The following ANKRD16 variants were observed in gnomAD, a reference collection of about 807,000 sequenced individuals.
ANKRD16 encodes ankyrin repeat domain 16.
ANKRD16 carries 35 observed loss-of-function variants against 37.9 expected under a neutral mutation model. That is an observed-to-expected ratio of 0.92 (90% confidence interval 0.71 to 1.23). The LOEUF is 1.23. ANKRD16 is among the 50% of genes most tolerant of loss of function. The pLI, the probability that ANKRD16 is intolerant of heterozygous loss-of-function variation, is 0.00. For synonymous variants in ANKRD16, 206 were observed against 197.2 expected (o/e 1.04, Z -0.37); for missense variants, 480 against 469.9 (o/e 1.02, Z -0.20).
In ANKRD16 at chr10:5,868,162, T is replaced by C. The variant is rs1842042190; in HGVS notation, c.*34-5471A>G. 6.6e-6 allele frequency among the ~76,000 whole-genome samples: 1 copy of C among 152,140 alleles called. No individual in the cohort carries two copies. The highest frequency in any genetic ancestry group is 6.5e-5 in the Admixed American group (1 of 15,274). On this transcript the variant is annotated intron_variant, in intron 7 of 7. Transcript: ENST00000380094. This position sits in a 1 kb window ranked among gnomAD's most constrained non-coding sequence, Gnocchi z 4.9. ...TTTTTAACCTCTTTGTCAAATTTGT[T>C]TCCTCTAGGATCGAGGCCATCAAGC...
chr10:5,884,795 C>CCACCCCTT (rs1344141099), intron 3 of ANKRD16, among the ~76,000 whole-genome samples: 2 of 150,752 alleles, frequency 1.3e-5, no homozygotes, highest in Non-Finnish European at 2.9e-5. Flanking sequence ...ATTCATTCTC[C>CCACCCCTT]CACCCCTTCA....
In ANKRD16 at chr10:5,871,770, C is replaced by T. The variant is rs1842093819; in HGVS notation, c.*33+6327G>A. 6.6e-6 allele frequency among the ~76,000 whole-genome samples: 1 copy of T among 152,226 alleles called. No individual in the cohort carries two copies. Among genetic ancestry groups the T allele is most frequent in the South Asian group, 2.1e-4 (1 of 4,826 alleles). ...TCACTCCCTCACCGCTGGCTTCCTC[C>T]CTCTGTGGGCTCCTTTCCCAGTCTG... On this transcript the variant is annotated intron_variant, in intron 7 of 7. Coordinates refer to ENST00000380094, the MANE Select transcript of ANKRD16 (RefSeq NM_019046.3). The surrounding 1 kb of genome is among the most constrained non-coding windows in gnomAD (Gnocchi z 4.5).
At position 5,869,203 on chromosome 10, in the gene ANKRD16, G is replaced by A. The variant is rs564858183; in HGVS notation, c.*34-6512C>T. Among the ~76,000 whole-genome samples, 2 of 152,242 alleles carry A rather than the reference G, an allele frequency of 1.3e-5. No homozygotes were observed. Among genetic ancestry groups the A allele is most frequent in the African/African-American group, 4.8e-5 (2 of 41,528 alleles). ...GATTAGATACCCTGCTTTTGGAGGC[G>A]AGGGATGTGTTTATTGCCTTGGCCG... is the stretch of plus-strand genomic sequence containing the variant. On this transcript the variant is annotated intron_variant, in intron 7 of 7. Transcript: ENST00000380094. This position sits in a 1 kb window ranked among gnomAD's most constrained non-coding sequence, Gnocchi z 4.0.
At chr10:5,886,175 T>G (rs1485895564) in intron 2 of ANKRD16, among the ~76,000 whole-genome samples, 1 of 152,248 alleles carries the variant, frequency 6.6e-6, no homozygotes, top group Non-Finnish European at 1.5e-5. Context: ...TTATGACTAT[T>G]TGTCTTCCAC....
chr10:5,885,025 G>T (rs1842394212), intron 3 of ANKRD16, among the ~76,000 whole-genome samples: 1 of 152,132 alleles, frequency 6.6e-6, no homozygotes, highest in Non-Finnish European at 1.5e-5. Flanking sequence ...TATTTGTTCT[G>T]TAGGGATCCT....
At chr10:5,881,441 TATATATATATATATATATA>T (rs1842308920) in intron 5 of ANKRD16, among the ~76,000 whole-genome samples, 1 of 21,294 alleles carries the variant, frequency 4.7e-5, no homozygotes, top group African/African-American at 1.7e-4. Context: ...ATATTATTTA[TATATATATATATATATATA>T]TATATATATA....
intron 6 of ANKRD16, 75 bp downstream of exon 6, chr10:5,880,223 T>G: frequency 2.2e-6 from 1 of 452,050 alleles, no homozygotes. Context: ...ATTAAAATCA[T>G]TGTTTTAAAT....
rs1236767109 is a variant in ANKRD16 at position 5,864,046 on chromosome 10, C to T, written c.*34-1355G>A. ...ACAGCCTGGCCCCAATATTCTCTCT[C>T]TGATGGGGAAAAATGGCCACCTGAG... is the stretch of plus-strand genomic sequence containing the variant. On this transcript the variant is annotated intron_variant, in intron 7 of 7. Transcript: ENST00000380094. This position sits in a 1 kb window ranked among gnomAD's most constrained non-coding sequence, Gnocchi z 4.4. 6.6e-6 allele frequency among the ~76,000 whole-genome samples: 1 copy of T among 152,080 alleles called. No homozygotes were observed. Among genetic ancestry groups the T allele is most frequent in the African/African-American group, 2.4e-5 (1 of 41,364 alleles).
chr10:5,884,401 C>T (rs1484377624), intron 3 of ANKRD16, among the ~76,000 whole-genome samples: 1 of 152,120 alleles, frequency 6.6e-6, no homozygotes, highest in Admixed American at 6.5e-5. Flanking sequence ...AATTGATTAC[C>T]CCCATCCTTC....
chr10:5,877,263 C>T (rs1484492859), intron 7 of ANKRD16, among the ~76,000 whole-genome samples: 4 of 152,190 alleles, frequency 2.6e-5, no homozygotes, highest in African/African-American at 7.2e-5. Flanking sequence ...CAGGCATGCA[C>T]CAGCACAGCT....
At chr10:5,886,464 G>A (rs980209670) in intron 2 of ANKRD16, among the ~76,000 whole-genome samples, 2 of 152,184 alleles carry the variant, frequency 1.3e-5, no homozygotes, top group African/African-American at 2.4e-5. Flanking sequence ...GGTGGCATGC[G>A]CCAGTAATCC....
chr10:5,877,948 G>T, intron 7 of ANKRD16, 149 bp downstream of exon 7: 1 of 769,118 alleles, frequency 1.3e-6, no homozygotes, highest in Non-Finnish European at 2.1e-6. Context: ...TCATGGAGCT[G>T]GGAACTCAGC....
At position 5,878,279 on chromosome 10, in the gene ANKRD16, G is replaced by A. The variant is rs1176588240; in HGVS notation, c.937C>T (p.Leu313=). Residue 313 remains leucine (L), a synonymous_variant, in exon 7 of 8, where the codon CTG becomes TTG. Coordinates refer to ENST00000380094, the MANE Select transcript of ANKRD16 (RefSeq NM_019046.3). This position sits in a 1 kb window ranked among gnomAD's most constrained non-coding sequence, Gnocchi z 5.1. The stretch of plus-strand genomic sequence containing the variant: ...GCCAAGTGCTGACCTGCACAGGCCA[G>A]ATGCAGGGCTGAGGGGTGACAAAAA... ...KDEKNRSALH[L]ACAGQHLACA... 1.9e-6 allele frequency: 3 copies of A among 1,613,426 alleles called. No homozygotes were observed. The African/African-American group carries it at 4.0e-5, about 22-fold the overall frequency.
At position 5,866,863 on chromosome 10, in the gene ANKRD16, CAA is replaced by C. The variant is rs1299978989; in HGVS notation, c.*34-4174_*34-4173del. On this transcript the variant is annotated intron_variant, in intron 7 of 7. Coordinates refer to ENST00000380094, the MANE Select transcript of ANKRD16 (RefSeq NM_019046.3). The surrounding 1 kb of genome is among the most constrained non-coding windows in gnomAD (Gnocchi z 4.3). The stretch of plus-strand genomic sequence containing the variant: ...AGGAAGAGACAGAGAGGCTGAAAGT[CAA>C]AGAGAGAAGGAGAGAGAGGAAGAGA... Among the ~76,000 whole-genome samples, 9 of 149,964 alleles carry C rather than the reference CAA, an allele frequency of 6.0e-5. No individual in the cohort carries two copies. Among genetic ancestry groups the C allele is most frequent in the African/African-American group, 2.2e-4 (9 of 40,638 alleles).
chr10:5,884,071 T>A lies in ANKRD16; in HGVS notation c.585A>T (p.Gln195His), dbSNP rs3750656. 1 of 1,613,490 alleles carries A rather than the reference T, an allele frequency of 6.2e-7. No individual in the cohort carries two copies. Among genetic ancestry groups the A allele is most frequent in the African/African-American group, 1.3e-5 (1 of 75,060 alleles). ...AGTTGTCTCTGTAGTCTGGTTCATA[T>A]TGGCACCTAGAGCCAAAACCCCAAG... The part of the protein sequence containing the change: ...EAVKVLLKRC[Q>H]YEPDYRDNCG... Residue 195 changes from glutamine to histidine, a missense_variant, in exon 4 of 8, where the codon CAA (glutamine) becomes CAT (histidine). Transcript: ENST00000380094.
Position 5,883,081 on chromosome 10 carries a change from C to A in ANKRD16, c.774G>T (p.Leu258Phe). ...VTGQDEAIRF[L>F]VSELGVDVDV... ...CTACATCGACGCCAAGTTCAGAGAC[C>A]AAGAATCGGATGGCTTCGTCCTGCC... Residue 258 changes from leucine (L) to phenylalanine (F), a missense_variant, in exon 5 of 8, where the codon TTG becomes TTT. Transcript: ENST00000380094. 1 of 1,614,128 alleles carries A rather than the reference C, an allele frequency of 6.2e-7. No individual in the cohort carries two copies. Among genetic ancestry groups the A allele is most frequent in the South Asian group, 1.1e-5 (1 of 91,080 alleles).
chr10:5,876,174 G>A (rs56103646), intron 7 of ANKRD16, among the ~76,000 whole-genome samples: 6,602 of 152,220 alleles, frequency 0.043, 193 homozygotes, highest in East Asian at 0.13. Context: ...ATGAGCCACC[G>A]CGCCCAGCCC....
Position 5,889,215 on chromosome 10 carries a change from TGGCGCGC to T in ANKRD16, c.133_139del (p.Ala45ThrfsTer54). 1 of 1,594,222 alleles carries T rather than the reference TGGCGCGC, an allele frequency of 6.3e-7. No individual in the cohort carries two copies. The highest frequency in any genetic ancestry group is 2.2e-5 in the East Asian group (1 of 44,618). ...ATAGGCCAGCACGTCCCGATGCCCG[TGGCGCGC>T]GGCGCAGTGCAGGAGGGTATCCCCG... On this transcript the variant is annotated frameshift_variant, in exon 1 of 8. Transcript: ENST00000380094. LOFTEE classifies it high-confidence loss of function.
Position 5,878,191 on chromosome 10 carries a change from G to A in ANKRD16, c.1025C>T (p.Ala342Val). The A allele has an allele frequency of 6.2e-7, 1 of 1,614,198 alleles. No homozygotes were observed. ...ATCTGCTCTCCTTGGGAGCTGCTGA[G>A]CCAGGGTGCCCGTGATGTCTTCAGA... ...KDSEDITGTL[A>V]QQLPRRADVL... The change falls in exon 7 of 8, where the codon GCT becomes GTT. Residue 342 changes from alanine to valine, a missense_variant. Transcript: ENST00000380094. This position sits in a 1 kb window ranked among gnomAD's most constrained non-coding sequence, Gnocchi z 5.1.
Sources: gnomAD v4.1 joint callset for allele counts (sites outside exome capture counted in the v4.1 genomes callset) on GRCh38, gnomAD v4.1.1 for gene constraint, Gnocchi (gnomAD v3.1) non-coding constraint, MANE v1.5 for transcripts, NCBI Gene and HGNC (gene_info 2026-07-23, HGNC 2026-07-21) for gene names.